The following IST1 variants were observed in gnomAD, a reference collection of about 807,000 sequenced individuals.
IST1 encodes the protein IST1 homolog.
A neutral mutation model predicts 37.0 loss-of-function variants in IST1; 23 were observed. That is an observed-to-expected ratio of 0.62 (90% confidence interval 0.45 to 0.88). The LOEUF (loss-of-function observed/expected upper bound fraction) is 0.88, where lower values mean the gene tolerates loss of function less well. Among genes scored for constraint, IST1 ranks in the 40% least tolerant of loss-of-function variants. The pLI is 0.00. For missense variants in IST1, 488 were observed against 445.4 expected (o/e 1.10, Z -0.86); for synonymous variants, 180 against 161.7 (o/e 1.11, Z -0.86).
At position 71,930,149 on chromosome 16, in the gene IST1, A is replaced by ACTGGT. The variant is rs1470814910; in HGVS notation, c.*2336_*2337insCTGGT. On this transcript the variant is annotated 3_prime_UTR_variant, in exon 10 of 10. Transcript: ENST00000378799. Reference sequence around the variant, plus strand: ...CATCAAGATGACACTGGTGAGGATCAGAAAGGTGCCCAGGACTGGGTCTAA... The same window carrying ACTGGT: ...CATCAAGATGACACTGGTGAGGATCACTGGTGAAAGGTGCCCAGGACTGGGTCTAA... 6.4e-7 allele frequency: 1 copy of ACTGGT among 1,551,380 alleles called. No homozygotes were observed. The highest frequency in any genetic ancestry group is 1.4e-5 in the African/African-American group (1 of 73,052).
upstream of IST1, chr16:71,895,407 G>A (rs2036942041): frequency 1.8e-6 from 1 of 545,408 alleles, no homozygotes; most frequent in Non-Finnish European, 2.3e-6. Flanking sequence ...AGGGTGCCCC[G>A]AGTCAGCGCG....
intron 9 of IST1, among the ~76,000 whole-genome samples, chr16:71,926,723 T>C (rs1394549923): frequency 6.6e-6 from 1 of 152,142 alleles, no homozygotes; most frequent in Non-Finnish European, 1.5e-5. Context: ...TACCTCAAAG[T>C]TCCCTTGTTG....
intron 5 of IST1, 89 bp downstream of exon 5, chr16:71,920,911 T>A: frequency 1.1e-6 from 1 of 927,230 alleles, no homozygotes; most frequent in Non-Finnish European, 1.8e-6. Flanking sequence ...ACCACTGTAT[T>A]GCTCAGTATG....
At chr16:71,918,092 A>G (rs970684609) in intron 4 of IST1, among the ~76,000 whole-genome samples, 2 of 152,202 alleles carry the variant, frequency 1.3e-5, no homozygotes, top group African/African-American at 4.8e-5. Flanking sequence ...GAGGAATTCC[A>G]GACTGTGAGG....
intron 5 of IST1, 118 bp from the exon 6 acceptor site, chr16:71,921,225 G>T (rs2037573503): frequency 4.4e-6 from 3 of 675,650 alleles, no homozygotes; most frequent in Admixed American, 5.2e-5. Context: ...TAACTGCTCT[G>T]AACCTTTTTT....
In IST1 at chr16:71,928,440, G is replaced by A. The variant is rs2037805973; in HGVS notation, c.*627G>A. On this transcript the variant is annotated 3_prime_UTR_variant, in exon 10 of 10. Transcript: ENST00000378799. ...TGCAAAGTTTGTCTTGACAGTTGAA[G>A]GCCTCGCTTAGTTGTACTGGATTCT... The A allele has an allele frequency of 6.5e-6, 1 of 153,032 alleles. No individual in the cohort carries two copies. The allele number at this position is 153,032 out of a possible 1,614,324, so 9.5% of individuals were successfully genotyped here. A position where few individuals can be genotyped will look rare whatever the true frequency, so the allele number is the denominator to read the frequency against.
At chr16:71,922,432 T>G (rs2037616424) in intron 6 of IST1, 42 bp from the exon 7 acceptor site, 1 of 1,563,678 alleles carries the variant, frequency 6.4e-7, no homozygotes, top group African/African-American at 1.4e-5. Context: ...GAACCTGGCC[T>G]TGGACATGGG....
At chr16:71,918,639 A>T (rs1396267576) in intron 4 of IST1, among the ~76,000 whole-genome samples, 1 of 152,066 alleles carries the variant, frequency 6.6e-6, no homozygotes, top group African/African-American at 2.4e-5. Context: ...GCTGGTCTCG[A>T]ACTCCTGACC....
intron 1 of IST1, among the ~76,000 whole-genome samples, chr16:71,904,888 A>C (rs2037186397): frequency 6.6e-6 from 1 of 152,064 alleles, no homozygotes; most frequent in Admixed American, 6.6e-5. Context: ...TTAATTATGT[A>C]ATTTTTGAAT....
At chr16:71,900,442 T>G (rs2037082067) in intron 1 of IST1, among the ~76,000 whole-genome samples, 1 of 151,848 alleles carries the variant, frequency 6.6e-6, no homozygotes, top group African/African-American at 2.4e-5. Context: ...TCTGATTCTT[T>G]TCCTCCTCCA....
intron 4 of IST1, 145 bp downstream of exon 4, chr16:71,917,279 C>T: frequency 1.8e-6 from 1 of 568,978 alleles, no homozygotes; most frequent in Non-Finnish European, 3.0e-6. Flanking sequence ...ATTTGTTTCT[C>T]CCTTTCAGCC....
rs947025480 is a variant in IST1, at chr16:71,928,057, C to T, written c.*244C>T. The T allele has an allele frequency of 1.5e-5, 7 of 474,484 alleles. No individual in the cohort carries two copies. The highest frequency in any genetic ancestry group is 1.2e-4 in the African/African-American group (6 of 50,810). 29.4% of individuals were successfully genotyped at this position (474,484 alleles called of 1,614,324 possible). A position where few individuals can be genotyped will look rare whatever the true frequency, so the allele number is the denominator to read the frequency against. ...CCTGGCAGCTGTGCTTGTCCGTTTC[C>T]TGTCAGAGTGATCCCAGGTTTCCTC... On this transcript the variant is annotated 3_prime_UTR_variant, in exon 10 of 10. Transcript: ENST00000378799.
chr16:71,913,078 C>G (rs1157218851), intron 1 of IST1, among the ~76,000 whole-genome samples: 2 of 152,196 alleles, frequency 1.3e-5, no homozygotes, highest in African/African-American at 4.8e-5. Context: ...ATGCAAATAG[C>G]TCTTTAAAGT....
intron 1 of IST1, among the ~76,000 whole-genome samples, chr16:71,910,583 G>A (rs1441841487): frequency 6.7e-6 from 1 of 149,682 alleles, no homozygotes; most frequent in Non-Finnish European, 1.5e-5. Flanking sequence ...TCCAGCCTGG[G>A]TGACAGAGCA....
chr16:71,922,762 T>C (rs1334037164), intron 7 of IST1, 82 bp downstream of exon 7: 2 of 1,189,120 alleles, frequency 1.7e-6, no homozygotes, highest in Admixed American at 2.0e-5. Flanking sequence ...TCAGGAATCA[T>C]AGGTTGTCAG....
In IST1 at chr16:71,930,113, A is replaced by T; in HGVS notation, c.*2300A>T. The T allele has an allele frequency of 6.4e-6, 10 of 1,551,638 alleles. No homozygotes were observed. Among genetic ancestry groups the T allele is most frequent in the Non-Finnish European group, 8.7e-6 (10 of 1,146,922 alleles). On this transcript the variant is annotated 3_prime_UTR_variant, in exon 10 of 10. Coordinates refer to ENST00000378799, the MANE Select transcript of IST1 (RefSeq NM_001270975.2). ...AATGGCCGAAACGAAAAGATTAATT[A>T]CCACAAGTACCATCAAGATGACACT...
upstream of IST1, chr16:71,894,949 C>T (rs887247279): frequency 4.5e-6 from 4 of 889,906 alleles, no homozygotes; most frequent in Middle Eastern, 2.2e-4. Context: ...CTGAATTATA[C>T]CACACAGACC....
upstream of IST1, chr16:71,894,692 TTTTAAC>T: frequency 1.6e-6 from 1 of 621,650 alleles, no homozygotes; most frequent in Non-Finnish European, 2.8e-6. Context: ...CTCCCCTAAT[TTTTAAC>T]TTTTTTTTTT....
In IST1 at chr16:71,920,948, G is replaced by A. The variant is rs760082773; in HGVS notation, c.441+126G>A. ...GGTTTCACCTTTCATAGTGGGGTGA[G>A]GAGGACAGCTGTGTGGCTGGCAGTG... On this transcript the variant is annotated intron_variant, in intron 5 of 9. Coordinates refer to ENST00000378799, the MANE Select transcript of IST1 (RefSeq NM_001270975.2). The A allele has an allele frequency of 9.3e-6, 7 of 753,536 alleles. No individual in the cohort carries two copies. The East Asian group carries it at 1.6e-4, about 17-fold the overall frequency. 46.7% of individuals were successfully genotyped at this position (753,536 alleles called of 1,614,324 possible). A position where few individuals can be genotyped will look rare whatever the true frequency, so the allele number is the denominator to read the frequency against.
Sources: gnomAD v4.1 joint callset for allele counts (sites outside exome capture counted in the v4.1 genomes callset) on GRCh38, gnomAD v4.1.1 for gene constraint, MANE v1.5 for transcripts, NCBI Gene and HGNC (gene_info 2026-07-23, HGNC 2026-07-21) for gene names.